MAP3K20: variants seen among roughly 807,000 people sequenced by gnomAD.
MAP3K20 encodes mitogen-activated protein kinase kinase kinase 20, also known as HCCS-4.
In MAP3K20, 40 loss-of-function variants were observed where a neutral mutation model predicts 85.7. The observed-to-expected ratio is 0.47, with a 90% CI of 0.36 to 0.61. MAP3K20 has a LOEUF of 0.61. MAP3K20 is among the 20% of genes least tolerant of loss of function. The pLI, the probability that MAP3K20 is intolerant of heterozygous loss-of-function variation, is 0.00. For synonymous variants in MAP3K20, 325 were observed against 327.7 expected, an observed-to-expected ratio of 0.99 and a Z score of 0.09; for missense variants, 817 against 961.7, an observed-to-expected ratio of 0.85 and a Z score of 1.99.
intron 2 of MAP3K20, among the ~76,000 whole-genome samples, chr2:173,143,411 C>T (rs1689034891): frequency 6.6e-6 from 1 of 151,892 alleles, no homozygotes; most frequent in Admixed American, 6.6e-5. Context: ...TTTAAATATC[C>T]CCCCCTAAGC....
chr2:173,179,534 G>A (rs1337641276), intron 3 of MAP3K20, among the ~76,000 whole-genome samples: 1 of 151,980 alleles, frequency 6.6e-6, no homozygotes, highest in Non-Finnish European at 1.5e-5. Flanking sequence ...TTCTCCCCAA[G>A]ACTGGGAACA....
At chr2:173,131,282 A>G (rs1430974430) in intron 2 of MAP3K20, among the ~76,000 whole-genome samples, 1 of 152,232 alleles carries the variant, frequency 6.6e-6, no homozygotes, top group East Asian at 1.9e-4. Flanking sequence ...ACACACATAT[A>G]AAGTTACATG....
chr2:173,192,149 A>G (rs972547234), intron 7 of MAP3K20, among the ~76,000 whole-genome samples: 2 of 152,226 alleles, frequency 1.3e-5, no homozygotes, highest in African/African-American at 2.4e-5. Context: ...AGTAATGGGT[A>G]AAGAAGCAGC....
chr2:173,199,112 T>A (rs1348597499), intron 8 of MAP3K20, among the ~76,000 whole-genome samples: 1 of 152,192 alleles, frequency 6.6e-6, no homozygotes, highest in East Asian at 1.9e-4. Context: ...AAGGTGAATA[T>A]ATAAAAATAT....
At chr2:173,111,188 T>C (rs961600580) in intron 2 of MAP3K20, among the ~76,000 whole-genome samples, 1 of 152,220 alleles carries the variant, frequency 6.6e-6, no homozygotes, top group Admixed American at 6.5e-5. Context: ...ATTAGTGATG[T>C]TGAGCATGTT....
chr2:173,224,461 A>G (rs1684332470), intron 11 of MAP3K20: 1 of 985,308 alleles, frequency 1.0e-6, no homozygotes, highest in Non-Finnish European at 1.2e-6. Context: ...GAGAAAAATA[A>G]CAGGACTCTG....
chr2:173,213,463 A>G (rs539225799), intron 10 of MAP3K20, among the ~76,000 whole-genome samples: 3 of 152,266 alleles, frequency 2.0e-5, no homozygotes, highest in Non-Finnish European at 4.4e-5. Context: ...GGTTAAAAAC[A>G]GGACTGTAAT....
Position 173,217,325 on chromosome 2 carries a change from C to G in MAP3K20, c.987+75C>G, listed in dbSNP as rs530129498. On this transcript the variant is annotated intron_variant, in intron 11 of 19. Coordinates refer to ENST00000375213, the MANE Select transcript of MAP3K20 (RefSeq NM_016653.3). ...GCAGCTGAGCATGGCAGCATGGCAC[C>G]TCTTCCCCTGCCTCCCGCCGCCCCC... The G allele has an allele frequency of 4.5e-6, 6 of 1,346,052 alleles. No individual in the cohort carries two copies. In the African/African-American group the frequency reaches 9.0e-5, roughly 20 times the overall value. 83.4% of individuals were successfully genotyped at this position (1,346,052 alleles called of 1,614,324 possible). A position where few individuals can be genotyped will look rare whatever the true frequency, so the allele number is the denominator to read the frequency against.
intron 8 of MAP3K20, among the ~76,000 whole-genome samples, chr2:173,199,537 G>A (rs1238035944): frequency 6.6e-6 from 1 of 152,164 alleles, no homozygotes; most frequent in Non-Finnish European, 1.5e-5. Context: ...GATGATTAGA[G>A]ATCTTGTTCT....
chr2:173,220,789 T>C (rs1259399964), intron 11 of MAP3K20, among the ~76,000 whole-genome samples: 1 of 152,194 alleles, frequency 6.6e-6, no homozygotes, highest in Non-Finnish European at 1.5e-5. Context: ...AATATAATGG[T>C]CAACTAAATG....
chr2:173,164,715 TA>T (rs1410585978), intron 2 of MAP3K20, among the ~76,000 whole-genome samples: 3 of 152,242 alleles, frequency 2.0e-5, no homozygotes, highest in African/African-American at 4.8e-5. Context: ...AAGATGGAGA[TA>T]TTTTTTAACT....
intron 16 of MAP3K20, among the ~76,000 whole-genome samples, chr2:173,242,198 G>A (rs1431492792): frequency 7.4e-5 from 11 of 149,438 alleles, no homozygotes; most frequent in African/African-American, 2.7e-4. Context: ...TTTTTGAGAC[G>A]GAGTTTTGCT....
At chr2:173,235,233 A>G (rs1011054955) in intron 14 of MAP3K20, among the ~76,000 whole-genome samples, 7 of 152,186 alleles carry the variant, frequency 4.6e-5, no homozygotes, top group Admixed American at 2.6e-4. Flanking sequence ...GCTTGAGGGA[A>G]GTTTTATGGG....
At chr2:173,249,411 C>T (rs10497399) in intron 16 of MAP3K20, among the ~76,000 whole-genome samples, 24,877 of 152,092 alleles carry the variant, frequency 0.16, 3,320 homozygotes, top group African/African-American at 0.36. Context: ...GTAGGACAAC[C>T]GTATCAATCC....
intron 19 of MAP3K20, among the ~76,000 whole-genome samples, chr2:173,265,660 A>G (rs1204130484): frequency 6.6e-6 from 1 of 152,228 alleles, no homozygotes; most frequent in African/African-American, 2.4e-5. Flanking sequence ...ACAACTATGT[A>G]GGAAGAAGAT....
chr2:173,122,154 TATTTCTGGCC>T (rs1200140222), intron 2 of MAP3K20, among the ~76,000 whole-genome samples: 1 of 152,236 alleles, frequency 6.6e-6, no homozygotes, highest in Admixed American at 6.5e-5. Context: ...TGTAAACTCT[TATTTCTGGCC>T]ATTTCTGATT....
rs1685276638 is a variant in MAP3K20, at chr2:173,260,893, A to G, written c.1477-170A>G. On this transcript the variant is annotated intron_variant, in intron 17 of 19. Transcript: ENST00000375213. The stretch of plus-strand genomic sequence containing the variant: ...ATGTCTTATGAAAAGCAAAACTTCA[A>G]ACATTAGCATGTTGTGAGTGATCAC... Among the ~76,000 whole-genome samples, 3 of 152,240 alleles carry G rather than the reference A, an allele frequency of 2.0e-5. No homozygotes were observed. The South Asian group carries it at 6.2e-4, about 32-fold the overall frequency.
chr2:173,266,873 G>T lies in MAP3K20; in HGVS notation c.*123G>T. On this transcript the variant is annotated 3_prime_UTR_variant, in exon 20 of 20. Coordinates refer to ENST00000375213, the MANE Select transcript of MAP3K20 (RefSeq NM_016653.3). ...GAAAAGACAACACTTCCAGTTTTTG[G>T]ATTGGGAAATACCTTCTAATTGAGA... is the stretch of plus-strand genomic sequence containing the variant. 2 of 1,035,136 alleles carry T rather than the reference G, an allele frequency of 1.9e-6. No individual in the cohort carries two copies. The highest frequency in any genetic ancestry group is 2.6e-6 in the Non-Finnish European group (2 of 762,498). 64.1% of individuals were successfully genotyped at this position (1,035,136 alleles called of 1,614,324 possible). A position where few individuals can be genotyped will look rare whatever the true frequency, so the allele number is the denominator to read the frequency against.
chr2:173,192,716 A>G (rs1690694922), intron 7 of MAP3K20, among the ~76,000 whole-genome samples: 2 of 152,148 alleles, frequency 1.3e-5, no homozygotes, highest in African/African-American at 2.4e-5. Flanking sequence ...TATTTGTAGC[A>G]ATTTAAGACT....
Sources: gnomAD v4.1 joint callset for allele counts (sites outside exome capture counted in the v4.1 genomes callset) on GRCh38, gnomAD v4.1.1 for gene constraint, MANE v1.5 for transcripts, NCBI Gene and HGNC (gene_info 2026-07-23, HGNC 2026-07-21) for gene names.